Variants in PPP2R5C observed in about 807,000 individuals in gnomAD.
PPP2R5C encodes the protein protein phosphatase 2 regulatory subunit B'gamma.
A neutral mutation model predicts 68.9 loss-of-function variants in PPP2R5C; 7 were observed. The ratio of observed to expected loss-of-function variants is 0.10; its 90% confidence interval spans 0.06 to 0.19. PPP2R5C has a LOEUF of 0.19. Ranked by LOEUF, PPP2R5C falls within the 10% of genes least tolerant of loss-of-function variation. PPP2R5C has a pLI of 1.00. For missense variants in PPP2R5C, 348 were observed against 641.3 expected (o/e 0.54, Z 4.94); for synonymous variants, 210 against 222.2 (o/e 0.95, Z 0.49).
chr14:101,811,595 C>T (rs1480777565), intron 1 of PPP2R5C, among the ~76,000 whole-genome samples: 1 of 152,080 alleles, frequency 6.6e-6, no homozygotes, highest in Admixed American at 6.5e-5. Context: ...CTCCCACCTC[C>T]GCCTCCCAAA....
intron 2 of PPP2R5C, among the ~76,000 whole-genome samples, chr14:101,776,341 CT>C (rs1034891229): frequency 2.6e-5 from 4 of 151,176 alleles, no homozygotes; most frequent in East Asian, 1.9e-4. Context: ...GAATCAAGTC[CT>C]TTTTTTTTAG....
At chr14:101,842,466 C>G (rs1457586958) in intron 1 of PPP2R5C, among the ~76,000 whole-genome samples, 2 of 152,202 alleles carry the variant, frequency 1.3e-5, no homozygotes, top group Non-Finnish European at 2.9e-5. Flanking sequence ...GAGTGAGGAG[C>G]AAGCTGGGGT....
rs1243796279 is a variant in PPP2R5C at position 101,877,522 on chromosome 14, TTC to T, written c.295-4635_295-4634del. Among the ~76,000 whole-genome samples the T allele has an allele frequency of 1.2e-4, 19 of 152,276 alleles. No individual in the cohort carries two copies. The South Asian group carries it at 3.9e-3, about 32-fold the overall frequency. The stretch of plus-strand genomic sequence containing the variant: ...GTGTTCACTGCATAACGTTGATGTC[TTC>T]TCTGTTTCCTCAGACCGGATCCATG... On this transcript the variant is annotated intron_variant, in intron 2 of 13. Transcript: ENST00000334743. The surrounding 1 kb of genome is among the most constrained non-coding windows in gnomAD (Gnocchi z 4.2).
chr14:101,846,805 C>A (rs2041855815), intron 1 of PPP2R5C, among the ~76,000 whole-genome samples: 1 of 152,174 alleles, frequency 6.6e-6, no homozygotes, highest in Non-Finnish European at 1.5e-5. Flanking sequence ...CTACCTCTGG[C>A]TTCTTGGTTT....
In PPP2R5C at chr14:101,888,833, C is replaced by T. The variant is rs1247409379; in HGVS notation, c.630-1404C>T. 2.6e-5 allele frequency among the ~76,000 whole-genome samples: 4 copies of T among 152,118 alleles called. No individual in the cohort carries two copies. Among genetic ancestry groups the T allele is most frequent in the Non-Finnish European group, 5.9e-5 (4 of 68,016 alleles). ...TCTTGAACTCCTGACCTCAGGTGAT[C>T]CACCTGCTTCAGCCTCCCAAAGTGC... On this transcript the variant is annotated intron_variant, in intron 5 of 13. Coordinates refer to ENST00000334743, the Ensembl canonical transcript of PPP2R5C. This position sits in a 1 kb window ranked among gnomAD's most constrained non-coding sequence, Gnocchi z 5.6.
At chr14:101,831,860 T>C in intron 1 of PPP2R5C, 2 of 659,462 alleles carry the variant, frequency 3.0e-6, no homozygotes, top group Admixed American at 4.2e-5. Context: ...AGTCTGTTAC[T>C]TACATTGGCT....
intron 3 of PPP2R5C, among the ~76,000 whole-genome samples, chr14:101,798,184 T>C (rs897223856): frequency 1.8e-4 from 27 of 151,838 alleles, no homozygotes; most frequent in Admixed American, 6.6e-4. Flanking sequence ...GCCAGCGCAG[T>C]GTGAGTGCAC....
intron 3 of PPP2R5C, among the ~76,000 whole-genome samples, chr14:101,801,086 G>A (rs1181296405): frequency 1.3e-5 from 2 of 152,212 alleles, no homozygotes; most frequent in Non-Finnish European, 1.5e-5. Context: ...GATAGGGAGA[G>A]AGGGTGGTTA....
intron 1 of PPP2R5C, among the ~76,000 whole-genome samples, chr14:101,811,956 A>G (rs553984772): frequency 1.8e-3 from 269 of 152,108 alleles, no homozygotes; most frequent in African/African-American, 5.6e-3. Flanking sequence ...TTGTGGAGGG[A>G]AAAAGCAGTG....
chr14:101,855,147 G>A (rs1467049395), intron 1 of PPP2R5C, among the ~76,000 whole-genome samples: 3 of 152,194 alleles, frequency 2.0e-5, no homozygotes, highest in African/African-American at 7.2e-5. Context: ...TCCAGCCTGG[G>A]CAACAGAGTG....
At chr14:101,871,686 T>C (rs561595083) in intron 2 of PPP2R5C, among the ~76,000 whole-genome samples, 56 of 141,104 alleles carry the variant, frequency 4.0e-4, no homozygotes, top group Non-Finnish European at 6.1e-4. Flanking sequence ...GTTTATCGTT[T>C]CTCTTCTTTG....
intron 13 of PPP2R5C, chr14:101,921,901 A>T: frequency 1.2e-6 from 1 of 837,302 alleles, no homozygotes; most frequent in Non-Finnish European, 1.4e-6. Flanking sequence ...TATACAGAAC[A>T]TTCAAAGAAA....
At chr14:101,918,178 C>T (rs2046791392) in intron 13 of PPP2R5C, among the ~76,000 whole-genome samples, 1 of 152,012 alleles carries the variant, frequency 6.6e-6, no homozygotes, top group Non-Finnish European at 1.5e-5. Context: ...CATTTACTAA[C>T]AGCAGTAGTA....
chr14:101,767,083 C>T (rs1406504462), intron 2 of PPP2R5C: 1 of 152,204 alleles, frequency 6.6e-6, no homozygotes, highest in Non-Finnish European at 1.5e-5. Context: ...TTGAAAGTCT[C>T]TACAGCAACT....
At chr14:101,893,743 T>TC (rs1374569791) in intron 7 of PPP2R5C, among the ~76,000 whole-genome samples, 2 of 152,178 alleles carry the variant, frequency 1.3e-5, no homozygotes, top group East Asian at 3.8e-4. Flanking sequence ...AGAGTGAAAC[T>TC]CCATCTCAAA....
chr14:101,848,234 T>C (rs2041955837), intron 1 of PPP2R5C, among the ~76,000 whole-genome samples: 1 of 152,016 alleles, frequency 6.6e-6, no homozygotes, highest in South Asian at 2.1e-4. Flanking sequence ...AGAGGAACGT[T>C]AGAAAGTGTG....
At chr14:101,819,441 A>G in intron 1 of PPP2R5C, 1 of 217,384 alleles carries the variant, frequency 4.6e-6, no homozygotes, top group Non-Finnish European at 9.4e-6. Flanking sequence ...CCTTTCTTTC[A>G]TCGAGCAGGA....
chr14:101,802,492 C>T (rs2038908028), intron 3 of PPP2R5C, among the ~76,000 whole-genome samples: 1 of 152,094 alleles, frequency 6.6e-6, no homozygotes, highest in South Asian at 2.1e-4. Context: ...ATGGATCAAA[C>T]ACCTAAACCT....
chr14:101,883,306 C>T, exon 4 of PPP2R5C: 1 of 1,593,018 alleles, frequency 6.3e-7, no homozygotes. Flanking sequence ...GATTTCCAAC[C>T]TAATATAGCG....
Sources: allele counts gnomAD v4.1 joint callset (sites outside exome capture counted in the v4.1 genomes callset), GRCh38; gene constraint gnomAD v4.1.1; non-coding constraint Gnocchi (gnomAD v3.1); transcripts MANE v1.5; gene names NCBI Gene and HGNC (gene_info 2026-07-23, HGNC 2026-07-21).